DPH5: variants seen among roughly 807,000 people sequenced by gnomAD.
DPH5 encodes the protein diphthine methyl ester synthase.
Under a neutral mutation model 31.6 loss-of-function variants are expected in DPH5, and 31 were observed. That is an observed-to-expected ratio of 0.98 (90% confidence interval 0.74 to 1.32). The LOEUF (loss-of-function observed/expected upper bound fraction) is 1.32, where lower values mean the gene tolerates loss of function less well. Ranked by LOEUF, DPH5 falls within the 40% of genes most tolerant of loss-of-function variation. DPH5 has a pLI of 0.00. For missense variants in DPH5, 309 were observed against 335.7 expected (o/e 0.92, Z 0.62); for synonymous variants, 120 against 115.0 (o/e 1.04, Z -0.28).
chr1:101,009,514 C>G (rs1200510133), intron 4 of DPH5, among the ~76,000 whole-genome samples: 2 of 152,140 alleles, frequency 1.3e-5, no homozygotes, highest in Non-Finnish European at 2.9e-5. Context: ...TCTCAATTCT[C>G]TTAATAGAAA....
At chr1:101,021,082 A>G (rs1660404481) in intron 3 of DPH5, among the ~76,000 whole-genome samples, 1 of 152,214 alleles carries the variant, frequency 6.6e-6, no homozygotes, top group South Asian at 2.1e-4. Context: ...GAGATTGATG[A>G]TGCTTGACTA....
chr1:100,998,802 G>GTAA (rs1658605650), intron 5 of DPH5, among the ~76,000 whole-genome samples: 1 of 152,198 alleles, frequency 6.6e-6, no homozygotes, highest in African/African-American at 2.4e-5. Flanking sequence ...AGAAAGTAGT[G>GTAA]TAAGGTTATA....
intron 4 of DPH5, among the ~76,000 whole-genome samples, chr1:101,007,566 T>A (rs531494574): frequency 1.3e-5 from 2 of 151,862 alleles, no homozygotes; most frequent in African/African-American, 2.4e-5. Flanking sequence ...ATGAAAAAAA[T>A]TTGCTGGGTG....
At chr1:101,024,409 T>A (rs556117032) in intron 2 of DPH5, among the ~76,000 whole-genome samples, 1 of 152,168 alleles carries the variant, frequency 6.6e-6, no homozygotes, top group African/African-American at 2.4e-5. Context: ...ACTTATTTTC[T>A]CTCTCTCTCC....
intron 4 of DPH5, chr1:101,011,638 G>A (rs978578660): frequency 6.6e-6 from 1 of 152,078 alleles, no homozygotes; most frequent in Non-Finnish European, 1.5e-5. Context: ...CCCAGGTTTA[G>A]TTTTAACCAG....
At chr1:100,998,404 G>A (rs1658557414) in intron 5 of DPH5, among the ~76,000 whole-genome samples, 1 of 151,920 alleles carries the variant, frequency 6.6e-6, no homozygotes, top group African/African-American at 2.4e-5. Context: ...CCAGCCTCAG[G>A]AGGCTGAGGC....
intron 3 of DPH5, among the ~76,000 whole-genome samples, chr1:101,018,703 T>A (rs1165936617): frequency 6.6e-6 from 1 of 152,200 alleles, no homozygotes; most frequent in Non-Finnish European, 1.5e-5. Context: ...ATTGACAATA[T>A]GCTTTATTCT....
chr1:101,014,569 C>T (rs890710369), intron 3 of DPH5, among the ~76,000 whole-genome samples: 9 of 152,192 alleles, frequency 5.9e-5, no homozygotes, highest in South Asian at 2.1e-4. Context: ...ATGTTGATGG[C>T]TGCTAACTGA....
At chr1:101,017,393 G>A (rs1367703491) in intron 3 of DPH5, among the ~76,000 whole-genome samples, 2 of 152,186 alleles carry the variant, frequency 1.3e-5, no homozygotes, top group Non-Finnish European at 2.9e-5. Flanking sequence ...ATGTGTGTAT[G>A]CGTATGTACG....
At chr1:100,994,687 C>G (rs1397973275) in intron 6 of DPH5, among the ~76,000 whole-genome samples, 1 of 152,094 alleles carries the variant, frequency 6.6e-6, no homozygotes, top group African/African-American at 2.4e-5. Flanking sequence ...CCACCACACC[C>G]AGCTAATTTT....
chr1:101,023,846 C>T (rs1483595981), intron 2 of DPH5, among the ~76,000 whole-genome samples: 5 of 152,164 alleles, frequency 3.3e-5, no homozygotes, highest in Non-Finnish European at 5.9e-5. Flanking sequence ...TTAAAAAAGA[C>T]ACTAAAGTTA....
rs935038871 is a variant in DPH5 at position 100,989,758 on chromosome 1, T to C, written c.*650A>G. 1 of 152,332 alleles carries C rather than the reference T, an allele frequency of 6.6e-6. No homozygotes were observed. 9.4% of individuals were successfully genotyped at this position (152,332 alleles called of 1,614,324 possible). ...TCTGTTAACAACCACCTTGTATAAA[T>C]TGGTTTCATAAATAAAAACTGCTCT... On this transcript the variant is annotated 3_prime_UTR_variant, in exon 8 of 8. Transcript: ENST00000370109.
At chr1:100,998,540 G>A (rs2101170210) in intron 5 of DPH5, among the ~76,000 whole-genome samples, 2 of 150,708 alleles carry the variant, frequency 1.3e-5, no homozygotes, top group South Asian at 4.2e-4. Flanking sequence ...TAAAAGGAGT[G>A]TATTCTGGCT....
intron 4 of DPH5, among the ~76,000 whole-genome samples, chr1:101,006,078 G>T (rs1035933593): frequency 6.6e-6 from 1 of 152,172 alleles, no homozygotes. Context: ...AGACATAATT[G>T]TAAGTGTTCT....
chr1:100,999,553 C>T (rs978279219), intron 5 of DPH5, among the ~76,000 whole-genome samples: 1 of 151,650 alleles, frequency 6.6e-6, no homozygotes, highest in African/African-American at 2.4e-5. Flanking sequence ...AAATTTTTGG[C>T]AAATTGGCCA....
At chr1:101,024,833 G>A (rs77908072) in intron 2 of DPH5, 3,893 of 157,388 alleles carry the variant, frequency 0.025, 166 homozygotes, top group African/African-American at 0.086. Flanking sequence ...GCCTTATTGG[G>A]AGATAGTCTA....
chr1:100,990,598 G>A lies in DPH5; in HGVS notation c.668C>T (p.Ala223Val). 1.9e-6 allele frequency: 3 copies of A among 1,613,858 alleles called. No individual in the cohort carries two copies. The highest frequency in any genetic ancestry group is 2.5e-6 in the Non-Finnish European group (3 of 1,179,950). The change falls in exon 8 of 8, where the codon GCC (alanine) becomes GTC (valine). Residue 223 changes from alanine (A) to valine (V), a missense_variant. Physicochemically the swap from Ala to Val is moderately conservative, Grantham distance 64. Transcript: ENST00000370109. ...TTTCTGGTCGTCGGCTCCAACCCTG[G>A]CTAAGCCAACACAAAGTGTCTCCTC... Reference protein sequence around the residue: ...VTEETLCVGLARVGADDQKIA... With the variant: ...VTEETLCVGLVRVGADDQKIA...
In DPH5 at chr1:101,025,336, T is replaced by C; in HGVS notation, c.108A>G (p.Ser36=). 6.2e-7 allele frequency: 1 copy of C among 1,614,250 alleles called. No individual in the cohort carries two copies. The change falls in exon 2 of 8, where the codon TCA becomes TCG. Residue 36 remains serine, a synonymous_variant. Coordinates refer to ENST00000370109, the MANE Select transcript of DPH5 (RefSeq NM_015958.3). ...AGGCTTCCTTCCCTACAGTTAGGAC[T>C]GAGGTGTAGGCTTCCAGATACACTC... The part of the protein sequence containing the change: ...CSRVYLEAYT[S]VLTVGKEALE...
At chr1:101,021,857 C>G in intron 2 of DPH5, 92 bp from the exon 3 acceptor site, 1 of 1,183,456 alleles carries the variant, frequency 8.4e-7, no homozygotes, top group Non-Finnish European at 1.2e-6. Context: ...CACACACACA[C>G]ACTCTTTGTT....
Sources: gnomAD v4.1 joint callset for allele counts (sites outside exome capture counted in the v4.1 genomes callset) on GRCh38, gnomAD v4.1.1 for gene constraint, MANE v1.5 for transcripts, NCBI Gene and HGNC (gene_info 2026-07-23, HGNC 2026-07-21) for gene names.